The following KCNMA1 variants were observed in gnomAD, a reference collection of about 807,000 sequenced individuals.
The protein encoded by KCNMA1 is potassium calcium-activated channel subfamily M alpha 1.
A neutral mutation model predicts 140.0 loss-of-function variants in KCNMA1; 29 were observed. The ratio of observed to expected loss-of-function variants is 0.21; its 90% CI spans 0.15 to 0.28. The LOEUF is 0.28. KCNMA1 is among the 10% of genes least tolerant of loss of function. The pLI is 1.00. For missense variants in KCNMA1, 880 were observed against 1,602.2 expected (o/e 0.55, Z 7.70); for synonymous variants, 612 against 611.9 (o/e 1.00, Z 0.00).
Position 76,953,510 on chromosome 10 carries a change from G to A in KCNMA1, c.2484+291C>T, listed in dbSNP as rs12773532. Among the ~76,000 whole-genome samples, 33,786 of 152,010 alleles carry A rather than the reference G, an allele frequency of 0.22. 4,391 individuals are homozygous for A. Among genetic ancestry groups the A allele is most frequent in the East Asian group, 0.47 (2,430 of 5,156 alleles). On this transcript the variant is annotated intron_variant, in intron 21 of 27. Transcript: ENST00000286628. Reference sequence around the variant, plus strand: ...GGTACAGGCAGGCTCTGACACCAGCGCCATGGCCACAGGAATTATGTTCAT... The same window carrying A: ...GGTACAGGCAGGCTCTGACACCAGCACCATGGCCACAGGAATTATGTTCAT...
At chr10:77,180,909 C>T (rs1360268159) in intron 5 of KCNMA1, among the ~76,000 whole-genome samples, 1 of 152,054 alleles carries the variant, frequency 6.6e-6, no homozygotes, top group Non-Finnish European at 1.5e-5. Context: ...GAGATCACAA[C>T]ATATCTCCAA....
At chr10:77,437,667 G>C (rs865868406) in intron 1 of KCNMA1, among the ~76,000 whole-genome samples, 1 of 152,290 alleles carries the variant, frequency 6.6e-6, no homozygotes, top group Middle Eastern at 3.4e-3. Context: ...CCAAGCTTCT[G>C]AATTTCACAG....
intron 19 of KCNMA1, among the ~76,000 whole-genome samples, chr10:76,982,156 A>G (rs2079702077): frequency 6.6e-6 from 1 of 152,212 alleles, no homozygotes; most frequent in Non-Finnish European, 1.5e-5. Context: ...GCACAATAAG[A>G]GAGAACCACA....
chr10:77,110,932 G>A (rs2097305759), intron 7 of KCNMA1, among the ~76,000 whole-genome samples: 1 of 152,232 alleles, frequency 6.6e-6, no homozygotes, highest in Non-Finnish European at 1.5e-5. Context: ...CCAGCCTTGA[G>A]GCTGCTGGAA....
At chr10:76,947,188 G>A (rs35180352) in intron 22 of KCNMA1, among the ~76,000 whole-genome samples, 84,145 of 150,942 alleles carry the variant, frequency 0.56, 23,636 homozygotes, top group East Asian at 0.76. Flanking sequence ...TACAAAAAAA[G>A]TAGCCAGGCA....
intron 2 of KCNMA1, among the ~76,000 whole-genome samples, chr10:77,385,907 G>A (rs1464183197): frequency 6.6e-6 from 1 of 152,168 alleles, no homozygotes; most frequent in East Asian, 1.9e-4. Flanking sequence ...CAAATGAGGA[G>A]AGTGACATGT....
rs553522710 is a variant in KCNMA1 at position 77,046,497 on chromosome 10, TG to T, written c.1750-6861del. On this transcript the variant is annotated intron_variant, in intron 14 of 27. Transcript: ENST00000286628. ...TGTTTGGGCTGGTTACTAAAATGGA[TG>T]GGGGGTCATTTGTATCCATTCCTCA... Among the ~76,000 whole-genome samples, 732 of 152,242 alleles carry T rather than the reference TG, an allele frequency of 4.8e-3. 7 individuals are homozygous for T. Among genetic ancestry groups the T allele is most frequent in the African/African-American group, 0.017 (687 of 41,542 alleles).
chr10:77,103,994 T>C (rs1281207919), intron 9 of KCNMA1, among the ~76,000 whole-genome samples: 1 of 152,068 alleles, frequency 6.6e-6, no homozygotes, highest in Non-Finnish European at 1.5e-5. Flanking sequence ...AGAGATGACA[T>C]GGAGAGGCAG....
At chr10:77,204,690 C>T (rs1598665792) in intron 3 of KCNMA1, among the ~76,000 whole-genome samples, 3 of 152,284 alleles carry the variant, frequency 2.0e-5, no homozygotes, top group East Asian at 3.9e-4. Context: ...GGTTTGGTGC[C>T]TATTGTCCTA....
chr10:77,086,630 G>A, intron 10 of KCNMA1, 37 bp from the exon 11 acceptor site: 2 of 1,469,766 alleles, frequency 1.4e-6, no homozygotes, highest in Non-Finnish European at 1.9e-6. Flanking sequence ...TTAATTTAAT[G>A]GACTCGGGGG....
intron 1 of KCNMA1, among the ~76,000 whole-genome samples, chr10:77,611,483 A>G (rs1432524520): frequency 6.6e-6 from 1 of 152,184 alleles, no homozygotes; most frequent in Non-Finnish European, 1.5e-5. Flanking sequence ...CTTTCCAACT[A>G]TATGAGTCAA....
chr10:77,526,510 G>A (rs2055729385), intron 1 of KCNMA1, among the ~76,000 whole-genome samples: 1 of 152,124 alleles, frequency 6.6e-6, no homozygotes, highest in Non-Finnish European at 1.5e-5. Context: ...AAAGCCAATA[G>A]CATCCAGATA....
At chr10:77,369,943 C>T (rs1225283398) in intron 2 of KCNMA1, among the ~76,000 whole-genome samples, 3 of 152,202 alleles carry the variant, frequency 2.0e-5, no homozygotes, top group Non-Finnish European at 4.4e-5. Context: ...GAAAAATCCT[C>T]TTCTAATCTC....
At chr10:77,439,759 G>A (rs2097355498) in intron 1 of KCNMA1, among the ~76,000 whole-genome samples, 1 of 152,160 alleles carries the variant, frequency 6.6e-6, no homozygotes, top group African/African-American at 2.4e-5. Context: ...TACCTCCTGT[G>A]TCTTTTAGCT....
At chr10:77,491,632 C>A (rs552667252) in intron 1 of KCNMA1, among the ~76,000 whole-genome samples, 16 of 151,976 alleles carry the variant, frequency 1.1e-4, no homozygotes, top group Non-Finnish European at 2.2e-4. Flanking sequence ...TTCTGGGACA[C>A]CCAGCTATGA....
intron 21 of KCNMA1, among the ~76,000 whole-genome samples, chr10:76,953,079 G>A (rs1381365106): frequency 6.6e-6 from 1 of 152,186 alleles, no homozygotes; most frequent in Non-Finnish European, 1.5e-5. Context: ...GACTGGGTGA[G>A]CCCACTGCTG....
At chr10:77,532,379 A>T (rs928250109) in intron 1 of KCNMA1, among the ~76,000 whole-genome samples, 31 of 152,210 alleles carry the variant, frequency 2.0e-4, no homozygotes, top group Non-Finnish European at 4.4e-4. Context: ...GGACCTTCTG[A>T]CCAAGCCAGG....
At chr10:77,443,700 T>C (rs2097458815) in intron 1 of KCNMA1, among the ~76,000 whole-genome samples, 1 of 152,188 alleles carries the variant, frequency 6.6e-6, no homozygotes, top group Non-Finnish European at 1.5e-5. Context: ...AATGGCAACA[T>C]CTGAGCTCCA....
At chr10:76,939,924 T>G (rs2061540759) in intron 23 of KCNMA1, 1 of 152,220 alleles carries the variant, frequency 6.6e-6, no homozygotes, top group Admixed American at 6.5e-5. Context: ...TGATTTAAAT[T>G]GAAATGTTTT....
Sources: allele counts gnomAD v4.1 joint callset (sites outside exome capture counted in the v4.1 genomes callset), GRCh38; gene constraint gnomAD v4.1.1; transcripts MANE v1.5; gene names NCBI Gene and HGNC (gene_info 2026-07-23, HGNC 2026-07-21).